Variants in SPATS2L observed in about 807,000 individuals in gnomAD.
The protein encoded by SPATS2L is spermatogenesis associated serine rich 2 like, also known as SPATS2-like protein.
SPATS2L carries 30 observed loss-of-function variants against 59.6 expected under a neutral mutation model. The ratio of observed to expected loss-of-function variants is 0.50; its 90% CI spans 0.38 to 0.68. SPATS2L has a LOEUF of 0.68. Among genes scored for constraint, SPATS2L ranks in the 30% least tolerant of loss-of-function variants. SPATS2L has a pLI of 0.00. For missense variants in SPATS2L, 615 were observed against 700.0 expected (o/e 0.88, Z 1.37); for synonymous variants, 252 against 263.5 (o/e 0.96, Z 0.42).
chr2:200,352,383 C>G (rs188943633), intron 2 of SPATS2L, among the ~76,000 whole-genome samples: 2 of 124,860 alleles, frequency 1.6e-5, no homozygotes, highest in Admixed American at 1.6e-4. Context: ...GGTAAACAAG[C>G]TCGATTTTCT....
intron 1 of SPATS2L, among the ~76,000 whole-genome samples, chr2:200,318,268 GT>G (rs2079446200): frequency 6.6e-6 from 1 of 152,084 alleles, no homozygotes; most frequent in South Asian, 2.1e-4. Context: ...TTCCTTTCTC[GT>G]TTATTTCTCC....
intron 2 of SPATS2L, among the ~76,000 whole-genome samples, chr2:200,331,104 T>C (rs546498495): frequency 6.6e-6 from 1 of 152,352 alleles, no homozygotes; most frequent in Admixed American, 6.5e-5. Context: ...CCAGCAGTTA[T>C]GAAAGACTAG....
At chr2:200,380,898 T>G (rs1421722947) in intron 2 of SPATS2L, among the ~76,000 whole-genome samples, 2 of 152,252 alleles carry the variant, frequency 1.3e-5, no homozygotes, top group Non-Finnish European at 2.9e-5. Context: ...ATTGTTTATG[T>G]TTCTCAGTCC....
At chr2:200,316,334 A>G (rs566487373) in intron 1 of SPATS2L, among the ~76,000 whole-genome samples, 1 of 152,306 alleles carries the variant, frequency 6.6e-6, no homozygotes, top group Admixed American at 6.5e-5. Context: ...TATTTGCTTC[A>G]TGAGTAGGCA....
At chr2:200,456,374 C>T (rs2085835003) in intron 8 of SPATS2L, among the ~76,000 whole-genome samples, 1 of 152,220 alleles carries the variant, frequency 6.6e-6, no homozygotes, top group Admixed American at 6.5e-5. Context: ...ATGCCAACTT[C>T]ACAGGCTCTT....
At chr2:200,326,808 A>G (rs1488321811) in intron 1 of SPATS2L, among the ~76,000 whole-genome samples, 2 of 151,820 alleles carry the variant, frequency 1.3e-5, no homozygotes, top group African/African-American at 4.8e-5. Context: ...GCTTACTGCA[A>G]CCTGCAGCCT....
chr2:200,450,263 G>A (rs898283569), intron 8 of SPATS2L, among the ~76,000 whole-genome samples: 2 of 152,148 alleles, frequency 1.3e-5, no homozygotes, highest in African/African-American at 2.4e-5. Context: ...GTTCAGTTAA[G>A]GTTGATTCTC....
intron 3 of SPATS2L, among the ~76,000 whole-genome samples, chr2:200,405,970 A>G (rs551457469): frequency 6.6e-6 from 1 of 152,362 alleles, no homozygotes; most frequent in African/African-American, 2.4e-5. Flanking sequence ...TCTTAATTAG[A>G]GATGCACTTA....
chr2:200,413,135 GA>G (rs760502244), intron 4 of SPATS2L, among the ~76,000 whole-genome samples: 7 of 152,156 alleles, frequency 4.6e-5, no homozygotes, highest in Non-Finnish European at 8.8e-5. Context: ...TCCTTATCTG[GA>G]AAGTCTTCTC....
intron 1 of SPATS2L, among the ~76,000 whole-genome samples, chr2:200,315,154 G>A (rs1353225605): frequency 6.6e-6 from 1 of 152,212 alleles, no homozygotes; most frequent in African/African-American, 2.4e-5. Flanking sequence ...CTTTTTGAAT[G>A]ATTAAGTCAG....
chr2:200,398,827 G>A (rs1040272070), intron 3 of SPATS2L, among the ~76,000 whole-genome samples: 4 of 152,108 alleles, frequency 2.6e-5, no homozygotes, highest in African/African-American at 9.7e-5. Flanking sequence ...ATACAAACTG[G>A]ATGCCTCAGG....
At chr2:200,352,182 C>T (rs1239050517) in intron 2 of SPATS2L, among the ~76,000 whole-genome samples, 1 of 151,662 alleles carries the variant, frequency 6.6e-6, no homozygotes, top group Non-Finnish European at 1.5e-5. Flanking sequence ...AGTTTCTTTT[C>T]TTGTGTGAAC....
chr2:200,420,013 G>A (rs1363149946), intron 6 of SPATS2L, among the ~76,000 whole-genome samples: 1 of 152,142 alleles, frequency 6.6e-6, no homozygotes, highest in African/African-American at 2.4e-5. Context: ...TTTAGAAAGG[G>A]CAGACCAAAT....
At chr2:200,332,732 T>C (rs1459955263) in intron 2 of SPATS2L, among the ~76,000 whole-genome samples, 6 of 139,106 alleles carry the variant, frequency 4.3e-5, no homozygotes, top group Admixed American at 8.3e-5. Flanking sequence ...CTGGAATTCA[T>C]TATATTTTTT....
chr2:200,360,901 G>A (rs1359093605), intron 2 of SPATS2L, among the ~76,000 whole-genome samples: 4 of 133,328 alleles, frequency 3.0e-5, no homozygotes, highest in South Asian at 4.3e-4. Context: ...ACGACCCCCC[G>A]CCCCCACCAG....
At chr2:200,333,053 G>T (rs376467911) in intron 2 of SPATS2L, among the ~76,000 whole-genome samples, 7 of 152,066 alleles carry the variant, frequency 4.6e-5, no homozygotes, top group Non-Finnish European at 8.8e-5. Flanking sequence ...GGCCAAGGCT[G>T]GGGGGTTGTT....
Position 200,439,310 on chromosome 2 carries a change from G to A in SPATS2L, c.634G>A (p.Glu212Lys). 6.2e-7 allele frequency: 1 copy of A among 1,613,316 alleles called. No individual in the cohort carries two copies. The highest frequency in any genetic ancestry group is 8.5e-7 in the Non-Finnish European group (1 of 1,179,434). Residue 212 changes from glutamate (E) to lysine (K), a missense_variant, in exon 7 of 13, where the codon GAG becomes AAG. Transcript: ENST00000409140. Reference protein sequence around the residue: ...PAAHLEIKPDELAKKRGPNIE... With the variant: ...PAAHLEIKPDKLAKKRGPNIE... ...AGCTCATCTTGAAATAAAGCCAGAT[G>A]AGTTGGCAAAGAAAAGAGGTAAAGT...
intron 8 of SPATS2L, among the ~76,000 whole-genome samples, chr2:200,443,096 A>G (rs565664183): frequency 4.3e-4 from 65 of 152,238 alleles, no homozygotes; most frequent in Non-Finnish European, 8.2e-4. Flanking sequence ...ATGTTAACTT[A>G]AAAATAAAAC....
intron 6 of SPATS2L, among the ~76,000 whole-genome samples, chr2:200,427,927 C>T (rs1008387195): frequency 2.9e-4 from 44 of 152,226 alleles, no homozygotes; most frequent in Non-Finnish European, 5.7e-4. Flanking sequence ...CAAAAATTAG[C>T]TGAGCAGGGT....
Sources: gnomAD v4.1 joint callset for allele counts (sites outside exome capture counted in the v4.1 genomes callset) on GRCh38, gnomAD v4.1.1 for gene constraint, MANE v1.5 for transcripts, NCBI Gene and HGNC (gene_info 2026-07-23, HGNC 2026-07-21) for gene names.